The following SIK2 variants were observed in gnomAD, a reference collection of about 807,000 sequenced individuals.
The protein encoded by SIK2 is serine/threonine-protein kinase SIK2.
SIK2 carries 29 observed loss-of-function variants against 103.2 expected under a neutral mutation model. That is an observed-to-expected ratio of 0.28 (90% CI 0.21 to 0.38). The LOEUF is 0.38. Ranked by LOEUF, SIK2 falls within the 10% of genes least tolerant of loss-of-function variation. SIK2 has a pLI of 1.00. For synonymous variants in SIK2, 412 were observed against 446.1 expected (o/e 0.92, Z 0.96); for missense variants, 879 against 1,171.0 (o/e 0.75, Z 3.64).
intron 3 of SIK2, chr11:111,671,621 T>A (rs1942628713): frequency 2.9e-6 from 1 of 348,174 alleles, no homozygotes; most frequent in Non-Finnish European, 5.6e-6. Context: ...ATGCTGTCCA[T>A]GTCCAGGGAG....
intron 3 of SIK2, among the ~76,000 whole-genome samples, chr11:111,674,540 C>T (rs1942675006): frequency 1.3e-5 from 2 of 152,154 alleles, no homozygotes; most frequent in African/African-American, 4.8e-5. Context: ...TTTTTCAAAG[C>T]CAATCAGGTT....
intron 3 of SIK2, among the ~76,000 whole-genome samples, chr11:111,649,241 C>G (rs1942297624): frequency 6.6e-6 from 1 of 152,130 alleles, no homozygotes; most frequent in Admixed American, 6.5e-5. Flanking sequence ...ATGTATCTCT[C>G]TATACTCTGA....
chr11:111,638,895 T>C (rs1033161036), intron 3 of SIK2, among the ~76,000 whole-genome samples: 1 of 152,184 alleles, frequency 6.6e-6, no homozygotes, highest in Non-Finnish European at 1.5e-5. Flanking sequence ...TTGTTTTGTT[T>C]TGGATGCTAG....
At chr11:111,690,851 G>A (rs1268699184) in intron 4 of SIK2, among the ~76,000 whole-genome samples, 1 of 152,162 alleles carries the variant, frequency 6.6e-6, no homozygotes, top group Non-Finnish European at 1.5e-5. Flanking sequence ...GCTGTATCCA[G>A]TCTATCATTG....
At chr11:111,687,042 C>T (rs1469044634) in intron 3 of SIK2, among the ~76,000 whole-genome samples, 3 of 152,044 alleles carry the variant, frequency 2.0e-5, no homozygotes, top group African/African-American at 7.2e-5. Flanking sequence ...TCATTTATTT[C>T]CTCTGTTTTA....
intron 1 of SIK2, among the ~76,000 whole-genome samples, chr11:111,614,399 T>G (rs1941774834): frequency 6.6e-6 from 1 of 152,072 alleles, no homozygotes; most frequent in African/African-American, 2.4e-5. Flanking sequence ...CCCCCAAAAT[T>G]TAACTAATAG....
chr11:111,648,790 AC>A (rs1365201544), intron 3 of SIK2, among the ~76,000 whole-genome samples: 1 of 152,152 alleles, frequency 6.6e-6, no homozygotes, highest in Non-Finnish European at 1.5e-5. Flanking sequence ...AAATTTTTTC[AC>A]AATGAGTATA....
chr11:111,609,532 A>G (rs1338185995), intron 1 of SIK2, among the ~76,000 whole-genome samples: 1 of 152,214 alleles, frequency 6.6e-6, no homozygotes, highest in Non-Finnish European at 1.5e-5. Context: ...ATGTTGCCCA[A>G]GCTGTTCTTG....
chr11:111,644,587 A>G (rs903618008), intron 3 of SIK2, among the ~76,000 whole-genome samples: 4 of 152,084 alleles, frequency 2.6e-5, no homozygotes, highest in African/African-American at 9.7e-5. Context: ...TTTATTTCTC[A>G]TCTTATATTC....
chr11:111,678,818 G>T (rs1313137025), intron 3 of SIK2, among the ~76,000 whole-genome samples: 2 of 152,224 alleles, frequency 1.3e-5, no homozygotes, highest in East Asian at 3.8e-4. Context: ...CAGTAGGATA[G>T]ATGTGGAATA....
At position 111,727,075 on chromosome 11, in the gene SIK2, T is replaced by C. The variant is rs1015675032; in HGVS notation, c.*2946T>C. ...ACTGGTCCCTGTAAGGCAAACAGCA[T>C]GTTAGCCCGACAGGAAGAGGGGGCC... On this transcript the variant is annotated 3_prime_UTR_variant, in exon 15 of 15. Coordinates refer to ENST00000304987, the MANE Select transcript of SIK2 (RefSeq NM_015191.3). The C allele has an allele frequency of 9.3e-6, 15 of 1,607,820 alleles. No homozygotes were observed. The highest frequency in any genetic ancestry group is 2.7e-5 in the African/African-American group (2 of 74,792).
At chr11:111,714,355 T>C (rs1200543294) in intron 9 of SIK2, among the ~76,000 whole-genome samples, 1 of 152,198 alleles carries the variant, frequency 6.6e-6, no homozygotes, top group Admixed American at 6.5e-5. Context: ...TTGGTATCAG[T>C]TGAAACAACT....
chr11:111,622,035 T>G (rs1279404383), intron 3 of SIK2, among the ~76,000 whole-genome samples: 2 of 152,148 alleles, frequency 1.3e-5, no homozygotes, highest in African/African-American at 4.8e-5. Context: ...TATTTTTCTT[T>G]AAACAATTAT....
At chr11:111,659,466 AGAAAGCTAAAAG>A (rs1238430922) in intron 3 of SIK2, among the ~76,000 whole-genome samples, 1 of 152,254 alleles carries the variant, frequency 6.6e-6, no homozygotes, top group Non-Finnish European at 1.5e-5. Context: ...CGTGGGAACC[AGAAAGCTAAAAG>A]ATACCTTTTT....
At chr11:111,612,928 ATATATATATATATATATATT>A (rs1012924995) in intron 1 of SIK2, among the ~76,000 whole-genome samples, 2 of 26,918 alleles carry the variant, frequency 7.4e-5, no homozygotes, top group African/African-American at 1.1e-4. Flanking sequence ...ATATATATAT[ATATATATATATATATATATT>A]TATGATCATA....
chr11:111,616,506 A>C, intron 2 of SIK2, 147 bp downstream of exon 2: 1 of 588,082 alleles, frequency 1.7e-6, no homozygotes, highest in Non-Finnish European at 3.0e-6. Context: ...ATTTTTCTAT[A>C]TTGTCTTTAA....
chr11:111,641,691 T>C (rs1478522248), intron 3 of SIK2, among the ~76,000 whole-genome samples: 2 of 152,238 alleles, frequency 1.3e-5, no homozygotes, highest in African/African-American at 4.8e-5. Flanking sequence ...ACTTTATTTC[T>C]TAAAAATCTT....
intron 4 of SIK2, among the ~76,000 whole-genome samples, chr11:111,694,785 G>A (rs1057228558): frequency 6.6e-6 from 1 of 152,078 alleles, no homozygotes; most frequent in Admixed American, 6.6e-5. Flanking sequence ...TGGCTCAAAG[G>A]GTTTGGTTTG....
chr11:111,611,214 A>C (rs1591586031), intron 1 of SIK2, among the ~76,000 whole-genome samples: 1 of 149,238 alleles, frequency 6.7e-6, no homozygotes, highest in Non-Finnish European at 1.5e-5. Flanking sequence ...GCGCCAGTGC[A>C]CTCCAGCCCA....
Sources: allele counts gnomAD v4.1 joint callset (sites outside exome capture counted in the v4.1 genomes callset), GRCh38; gene constraint gnomAD v4.1.1; transcripts MANE v1.5; gene names NCBI Gene and HGNC (gene_info 2026-07-23, HGNC 2026-07-21).